The following REDIC1 variants were observed in gnomAD, a reference collection of about 807,000 sequenced individuals.
The protein encoded by REDIC1 is regulator of DNA class I crossover intermediates 1.
At chr12:39,753,355 A>G in the REDIC1 span, among the ~76,000 whole-genome samples, 1 of 152,204 alleles carries the variant, frequency 6.6e-6, no homozygotes, top group East Asian at 1.9e-4. Context: ...TTTTTAAAAC[A>G]TTGAAAAGAC....
At chr12:39,728,402 C>T in the REDIC1 span, among the ~76,000 whole-genome samples, 1 of 151,950 alleles carries the variant, frequency 6.6e-6, no homozygotes. Context: ...TTGAGATAAT[C>T]ATGTGGTTTT....
the REDIC1 span, among the ~76,000 whole-genome samples, chr12:39,880,793 AT>A: frequency 6.6e-6 from 1 of 152,192 alleles, no homozygotes; most frequent in Non-Finnish European, 1.5e-5. Flanking sequence ...GGAAAGACCA[AT>A]TACTTGTCTC....
the REDIC1 span, among the ~76,000 whole-genome samples, chr12:39,733,945 G>A: frequency 6.6e-6 from 1 of 152,146 alleles, no homozygotes; most frequent in South Asian, 2.1e-4. Context: ...GGCGCTACTG[G>A]GGTATGAAAA....
the REDIC1 span, among the ~76,000 whole-genome samples, chr12:39,712,326 A>G: frequency 5.4e-4 from 4 of 7,458 alleles, no homozygotes; most frequent in Non-Finnish European, 1.7e-3. Flanking sequence ...ATATATACAT[A>G]TGTTTATATA....
chr12:39,820,717 TTATATATATATATATATATATATATATA>T, the REDIC1 span, among the ~76,000 whole-genome samples: 111 of 132,726 alleles, frequency 8.4e-4, no homozygotes, highest in East Asian at 3.8e-3. Context: ...ATTTTTAAAT[TTATATATATATATATATATATATATATA>T]TATATATATA....
the REDIC1 span, chr12:39,640,975 A>G: frequency 6.2e-7 from 1 of 1,610,636 alleles, no homozygotes; most frequent in East Asian, 2.2e-5. Context: ...CTGATCAAGC[A>G]GGAAAGAAGA....
At chr12:39,712,614 T>A in the REDIC1 span, among the ~76,000 whole-genome samples, 1 of 144,370 alleles carries the variant, frequency 6.9e-6, no homozygotes, top group East Asian at 2.0e-4. Flanking sequence ...TATGTATATA[T>A]AGATATGTGT....
the REDIC1 span, among the ~76,000 whole-genome samples, chr12:39,772,305 A>G: frequency 1.3e-5 from 2 of 152,182 alleles, no homozygotes; most frequent in South Asian, 4.1e-4. Context: ...TTCTTGTAAA[A>G]TAAGAGTCCA....
At chr12:39,720,399 C>T in the REDIC1 span, among the ~76,000 whole-genome samples, 4 of 151,964 alleles carry the variant, frequency 2.6e-5, no homozygotes, top group Non-Finnish European at 2.9e-5. Flanking sequence ...TTCGAAGGTA[C>T]TTCTTCTAGT....
chr12:39,874,733 T>C, the REDIC1 span, among the ~76,000 whole-genome samples: 1 of 152,086 alleles, frequency 6.6e-6, no homozygotes, highest in Admixed American at 6.6e-5. Context: ...CTTTGTATTG[T>C]AGGCAATGGG....
At chr12:39,756,254 A>G in the REDIC1 span, 1 of 151,956 alleles carries the variant, frequency 6.6e-6, no homozygotes, top group South Asian at 2.1e-4. Context: ...ACATTTTGCT[A>G]TAAAGCACAT....
the REDIC1 span, among the ~76,000 whole-genome samples, chr12:39,803,558 A>T: frequency 3.3e-5 from 5 of 152,198 alleles, no homozygotes; most frequent in Non-Finnish European, 5.9e-5. Context: ...ACATATATAC[A>T]TACACACACA....
the REDIC1 span, chr12:39,756,223 A>G: frequency 6.6e-6 from 1 of 151,994 alleles, no homozygotes; most frequent in East Asian, 1.9e-4. Flanking sequence ...TATGAGCTAT[A>G]AATTTTAACC....
the REDIC1 span, among the ~76,000 whole-genome samples, chr12:39,694,647 G>A: frequency 3.3e-5 from 5 of 152,298 alleles, no homozygotes; most frequent in Admixed American, 3.3e-4. Context: ...GGTGCTCTAA[G>A]TAAATTTGAA....
the REDIC1 span, chr12:39,646,594 T>G: frequency 8.4e-6 from 7 of 830,728 alleles, no homozygotes; most frequent in Non-Finnish European, 7.0e-6. Context: ...AACAGTATTA[T>G]GCAATGATTA....
At chr12:39,705,093 T>TA in the REDIC1 span, among the ~76,000 whole-genome samples, 1 of 149,326 alleles carries the variant, frequency 6.7e-6, no homozygotes, top group Non-Finnish European at 1.5e-5. Context: ...AAAATTAAAT[T>TA]AAAAAAATAA....
At chr12:39,640,970 C>T in the REDIC1 span, 7 of 1,610,138 alleles carry the variant, frequency 4.3e-6, no homozygotes, top group Non-Finnish European at 5.9e-6. Context: ...GGGTTCTGAT[C>T]AAGCAGGAAA....
the REDIC1 span, among the ~76,000 whole-genome samples, chr12:39,850,691 T>C: frequency 6.6e-6 from 1 of 152,300 alleles, no homozygotes; most frequent in South Asian, 2.1e-4. Flanking sequence ...AAAACATATA[T>C]GAATAAGGAT....
the REDIC1 span, among the ~76,000 whole-genome samples, chr12:39,801,459 G>C: frequency 6.6e-6 from 1 of 152,012 alleles, no homozygotes; most frequent in Admixed American, 6.6e-5. Context: ...ATGACAATCT[G>C]CTTGAGAGGG....
Sources: allele counts gnomAD v4.1 joint callset (sites outside exome capture counted in the v4.1 genomes callset), GRCh38; gene constraint gnomAD v4.1.1; transcripts MANE v1.5; gene names NCBI Gene and HGNC (gene_info 2026-07-23, HGNC 2026-07-21).